The following GAPDHS variants were observed in gnomAD, a reference collection of about 807,000 sequenced individuals.
GAPDHS encodes glyceraldehyde-3-phosphate dehydrogenase, spermatogenic.
A neutral mutation model predicts 48.7 loss-of-function variants in GAPDHS; 42 were observed. The ratio of observed to expected loss-of-function variants is 0.86; its 90% CI spans 0.67 to 1.12. GAPDHS has a LOEUF of 1.12. Ranked by LOEUF, GAPDHS falls within the 50% of genes most tolerant of loss-of-function variation. GAPDHS has a pLI of 0.00. For synonymous variants in GAPDHS, 166 were observed against 219.1 expected (o/e 0.76, Z 2.14); for missense variants, 512 against 557.7 (o/e 0.92, Z 0.82).
rs8100526 is a variant in GAPDHS, at chr19:35,535,333, G to C, written c.68-1480G>C. Among the ~76,000 whole-genome samples the C allele has an allele frequency of 3.2e-4, 48 of 152,238 alleles. 1 individual carries two copies. The East Asian group carries it at 8.1e-3, about 26-fold the overall frequency. On this transcript the variant is annotated intron_variant, in intron 1 of 10. Coordinates refer to ENST00000222286, the MANE Select transcript of GAPDHS (RefSeq NM_014364.5). ...ATGGGTTTCACAGAGTATGATACACGGTACTCTCTAAGCTTCCCTGAGGAT... is the reference window on the plus strand; with the variant it reads ...ATGGGTTTCACAGAGTATGATACACCGTACTCTCTAAGCTTCCCTGAGGAT...
chr19:35,544,996 C>G lies in GAPDHS; in HGVS notation c.1144C>G (p.Leu382Val). Residue 382 changes from leucine (L) to valine (V), a missense_variant, in exon 10 of 11, where the codon CTC (leucine) becomes GTC (valine). Transcript: ENST00000222286. Reference protein sequence around the residue: ...GIALNDNFVKLISWYDNEYGY... With the variant: ...GIALNDNFVKVISWYDNEYGY... ...TGCGCTCAATGACAATTTCGTGAAG[C>G]TCATTTCATGGTAAGGGGGAAGGAG... 2 of 1,613,020 alleles carry G rather than the reference C, an allele frequency of 1.2e-6. No individual in the cohort carries two copies. Among genetic ancestry groups the G allele is most frequent in the Non-Finnish European group, 1.7e-6 (2 of 1,178,978 alleles).
chr19:35,544,084 A>C, intron 9 of GAPDHS: 32 of 445,294 alleles, frequency 7.2e-5, no homozygotes, highest in Admixed American at 8.2e-5. Context: ...CCCTCAAAAT[A>C]TGTTCTTTTT....
At chr19:35,538,544 C>T in intron 3 of GAPDHS, 33 bp from the exon 4 acceptor site, 3 of 1,418,526 alleles carry the variant, frequency 2.1e-6, no homozygotes, top group Non-Finnish European at 3.0e-6. Context: ...CACCCTGCCA[C>T]CCCAAGACTA....
chr19:35,545,307 A>T lies in GAPDHS; in HGVS notation c.*137A>T. On this transcript the variant is annotated 3_prime_UTR_variant, in exon 11 of 11. Coordinates refer to ENST00000222286, the MANE Select transcript of GAPDHS (RefSeq NM_014364.5). Reference sequence around the variant, plus strand: ...CCGATGGGTCCATGGTGAAATAAAAAACAGTGCTCACGGCTGCGTCCCGTA... The same window carrying T: ...CCGATGGGTCCATGGTGAAATAAAATACAGTGCTCACGGCTGCGTCCCGTA... 1.3e-6 allele frequency: 1 copy of T among 750,116 alleles called. No homozygotes were observed. The highest frequency in any genetic ancestry group is 2.4e-6 in the Non-Finnish European group (1 of 419,976). 46.5% of individuals were successfully genotyped at this position (750,116 alleles called of 1,614,324 possible). A position where few individuals can be genotyped will look rare whatever the true frequency, so the allele number is the denominator to read the frequency against.
intron 2 of GAPDHS, 119 bp downstream of exon 2, chr19:35,537,109 G>A: frequency 1.2e-6 from 1 of 825,948 alleles, no homozygotes. Flanking sequence ...GACGACCCTG[G>A]AGAAATAGCC....
chr19:35,534,854 G>A (rs567071311), intron 1 of GAPDHS, among the ~76,000 whole-genome samples: 2 of 149,828 alleles, frequency 1.3e-5, no homozygotes, highest in Admixed American at 6.6e-5. Flanking sequence ...GCTGGCCCCC[G>A]GCTCCCAGCC....
At chr19:35,544,046 G>A (rs2071526355) in intron 9 of GAPDHS, 2 of 746,036 alleles carry the variant, frequency 2.7e-6, no homozygotes, top group South Asian at 5.8e-5. Context: ...CAAGTCTCTG[G>A]AGGAACCTCC....
rs1339062153 is a variant in GAPDHS at position 35,536,747 on chromosome 19, CAA to C, written c.68-64_68-63del. On this transcript the variant is annotated intron_variant, in intron 1 of 10. Coordinates refer to ENST00000222286, the MANE Select transcript of GAPDHS (RefSeq NM_014364.5). ...GGAGCCAGCAACAGATTCTGGGCAG[CAA>C]AGACAGTTTGTTCTCTTTCACTTTG... 5.8e-6 allele frequency: 8 copies of C among 1,367,672 alleles called. No homozygotes were observed. In the Admixed American group the frequency reaches 7.7e-5, roughly 13 times the overall value. 84.7% of individuals were successfully genotyped at this position (1,367,672 alleles called of 1,614,324 possible). A position where few individuals can be genotyped will look rare whatever the true frequency, so the allele number is the denominator to read the frequency against.
At chr19:35,542,871 C>T in intron 6 of GAPDHS, 74 bp from the exon 7 acceptor site, 1 of 1,136,738 alleles carries the variant, frequency 8.8e-7, no homozygotes. Flanking sequence ...CGTGCATACC[C>T]CAAGAGGGGT....
In GAPDHS at chr19:35,538,596, ACT is replaced by A. The variant is rs777957969; in HGVS notation, c.364_365del (p.Ser122HisfsTer22). ...CCACAGGTGTACATGTTTAAGTATG[ACT>A]CCACCCACGGCCGATACAAGGGAAG... On this transcript the variant is annotated frameshift_variant, in exon 4 of 11. Coordinates refer to ENST00000222286, the MANE Select transcript of GAPDHS (RefSeq NM_014364.5). LOFTEE classifies it high-confidence loss of function. 48 of 1,608,506 alleles carry A rather than the reference ACT, an allele frequency of 3.0e-5. No homozygotes were observed. The East Asian group carries it at 1.0e-3, about 35-fold the overall frequency.
In GAPDHS at chr19:35,538,607, G is replaced by A. The variant is rs202137889; in HGVS notation, c.373G>A (p.Gly125Ser). ...VYMFKYDSTHGRYKGSVEFRN... is the reference protein window; with the variant it reads ...VYMFKYDSTHSRYKGSVEFRN... ...CATGTTTAAGTATGACTCCACCCAC[G>A]GCCGATACAAGGGAAGTGTGGAATT... is the stretch of plus-strand genomic sequence containing the variant. Residue 125 changes from glycine (G) to serine (S), a missense_variant, in exon 4 of 11, where the codon GGC becomes AGC. By Grantham distance (56) the Gly-to-Ser change is moderately conservative. Transcript: ENST00000222286. 5.8e-5 allele frequency: 94 copies of A among 1,611,602 alleles called. 2 individuals are homozygous for A. In the South Asian group the frequency reaches 8.0e-4, roughly 14 times the overall value.
chr19:35,534,012 A>T (rs901314892), intron 1 of GAPDHS, among the ~76,000 whole-genome samples: 2 of 152,192 alleles, frequency 1.3e-5, no homozygotes, highest in African/African-American at 4.8e-5. Context: ...TGCACAAAAC[A>T]AGGACACTTG....
intron 4 of GAPDHS, 92 bp downstream of exon 4, chr19:35,538,775 G>C: frequency 1.2e-6 from 1 of 819,090 alleles, no homozygotes; most frequent in Admixed American, 1.9e-5. Flanking sequence ...TCTCACATGG[G>C]GTGCTGAAAC....
At chr19:35,538,429 C>T in intron 3 of GAPDHS, 26 bp downstream of exon 3, 1 of 1,365,504 alleles carries the variant, frequency 7.3e-7, no homozygotes, top group Non-Finnish European at 1.0e-6. Flanking sequence ...AGGGCAGGAA[C>T]AGCAGGGTGG....
intron 4 of GAPDHS, chr19:35,541,671 G>A (rs1471752980): frequency 1.3e-5 from 2 of 150,024 alleles, no homozygotes; most frequent in Admixed American, 6.7e-5. Flanking sequence ...GATGTTTAGT[G>A]TGCTTCAAAT....
At chr19:35,539,605 T>G (rs2239943) in intron 4 of GAPDHS, among the ~76,000 whole-genome samples, 1 of 151,696 alleles carries the variant, frequency 6.6e-6, no homozygotes, top group African/African-American at 2.4e-5. Context: ...GAACCCTGTC[T>G]GGGCCCAGGC....
At chr19:35,541,911 A>G (rs970310355) in intron 4 of GAPDHS, 51 of 216,424 alleles carry the variant, frequency 2.4e-4, no homozygotes, top group African/African-American at 1.1e-3. Flanking sequence ...AGGAGGGTTC[A>G]TGGCGAGGTT....
At chr19:35,541,745 C>T (rs1051071872) in intron 4 of GAPDHS, 2 of 151,856 alleles carry the variant, frequency 1.3e-5, no homozygotes, top group Admixed American at 6.6e-5. Flanking sequence ...CAGAAACCTC[C>T]CTTACCTTTC....
At chr19:35,536,637 TG>T in intron 1 of GAPDHS, 175 bp from the exon 2 acceptor site, 1 of 548,588 alleles carries the variant, frequency 1.8e-6, no homozygotes. Context: ...AAAGAGCCCT[TG>T]GGATTGACAT....
Sources: allele counts gnomAD v4.1 joint callset (sites outside exome capture counted in the v4.1 genomes callset), GRCh38; gene constraint gnomAD v4.1.1; transcripts MANE v1.5; gene names NCBI Gene and HGNC (gene_info 2026-07-23, HGNC 2026-07-21).